The following DENND1C variants were observed in gnomAD, a reference collection of about 807,000 sequenced individuals.
DENND1C encodes the protein DENN domain containing 1C.
DENND1C carries 64 observed loss-of-function variants against 87.9 expected under a neutral mutation model. The observed-to-expected ratio is 0.73, with a 90% confidence interval of 0.60 to 0.90. The LOEUF is 0.90. Ranked by LOEUF, DENND1C falls within the 40% of genes least tolerant of loss-of-function variation. The probability of loss-of-function intolerance (pLI) is 0.00; values close to 1 mark genes in which losing one functional copy is unlikely to be tolerated. For synonymous variants in DENND1C, 384 were observed against 424.4 expected (o/e 0.90, Z 1.17); for missense variants, 980 against 1,037.0 (o/e 0.95, Z 0.76).
chr19:6,470,624 T>TTTTG (rs1555747457), intron 17 of DENND1C, among the ~76,000 whole-genome samples: 1 of 145,524 alleles, frequency 6.9e-6, no homozygotes, highest in African/African-American at 2.5e-5. Flanking sequence ...TTTTTTGTTT[T>TTTTG]TTTTTTTTTT....
intron 22 of DENND1C, 39 bp from the exon 23 acceptor site, chr19:6,468,157 G>A: frequency 1.2e-6 from 2 of 1,610,314 alleles, no homozygotes; most frequent in Non-Finnish European, 1.7e-6. Flanking sequence ...CTTTTAGATG[G>A]CAGAGGGGCT....
In DENND1C at chr19:6,468,420, C is replaced by G; in HGVS notation, c.1605G>C (p.Glu535Asp). ...CTTCTGCCCACGGGCACCCCTCATC[C>G]TCAGGGCTCAGTGGGGGTGTCCTGG... Reference protein sequence around the residue: ...PGAGTPPLSPEDEGCPWAEEA... With the variant: ...PGAGTPPLSPDDEGCPWAEEA... The change falls in exon 22 of 23, where the codon GAG becomes GAC. Residue 535 changes from glutamate to aspartate, a missense_variant. Transcript: ENST00000381480. 6.2e-7 allele frequency: 1 copy of G among 1,613,194 alleles called. No individual in the cohort carries two copies. Among genetic ancestry groups the G allele is most frequent in the Non-Finnish European group, 8.5e-7 (1 of 1,179,614 alleles).
chr19:6,480,272 T>G, intron 1 of DENND1C: 1 of 1,400,306 alleles, frequency 7.1e-7, no homozygotes, highest in Non-Finnish European at 9.3e-7. Context: ...AAAGTGTGAC[T>G]GTGTGTGTGT....
In DENND1C at chr19:6,475,472, G is replaced by A; in HGVS notation, c.927+12C>T. 3 of 1,613,814 alleles carry A rather than the reference G, an allele frequency of 1.9e-6. No individual in the cohort carries two copies. Among genetic ancestry groups the A allele is most frequent in the Non-Finnish European group, 2.5e-6 (3 of 1,179,834 alleles). ...CCTCCCGGGGCAGGAAGGTGGGAGG[G>A]GCGACACTGACCACGTCTGGAGGCA... On this transcript the variant is annotated intron_variant, in intron 13 of 22. Transcript: ENST00000381480.
intron 2 of DENND1C, 39 bp downstream of exon 2, chr19:6,479,948 C>A (rs1241234981): frequency 6.3e-7 from 1 of 1,596,802 alleles, no homozygotes; most frequent in South Asian, 1.1e-5. Context: ...CAGGCCCACC[C>A]TCCCCTCCCA....
intron 10 of DENND1C, 151 bp downstream of exon 10, chr19:6,476,706 C>G: frequency 3.9e-6 from 3 of 771,066 alleles, no homozygotes; most frequent in Non-Finnish European, 6.0e-6. Flanking sequence ...GGCCAGAGTT[C>G]AACTCTCCAA....
At chr19:6,471,353 G>A in intron 16 of DENND1C, 48 bp from the exon 17 acceptor site, 2 of 1,590,826 alleles carry the variant, frequency 1.3e-6, no homozygotes, top group Non-Finnish European at 1.7e-6. Flanking sequence ...GGCTGAGGCT[G>A]GGGGTGCTGG....
At position 6,476,552 on chromosome 19, in the gene DENND1C, C is replaced by T. The variant is rs45515694; in HGVS notation, c.678+305G>A. 2.7e-3 allele frequency: 800 copies of T among 293,728 alleles called. 3 individuals are homozygous for T. The highest frequency in any genetic ancestry group is 4.3e-3 in the Non-Finnish European group (674 of 157,016). The allele number at this position is 293,728 out of a possible 1,614,324, so 18.2% of individuals were successfully genotyped here. On this transcript the variant is annotated intron_variant, in intron 10 of 22. Transcript: ENST00000381480. Reference sequence around the variant, plus strand: ...CTGGGTCCCTGGGTCCCTGGATTCCCACGTGTATAAGTCCCTAGTTCTCAG... The same window carrying T: ...CTGGGTCCCTGGGTCCCTGGATTCCTACGTGTATAAGTCCCTAGTTCTCAG...
rs2092810991 is a variant in DENND1C at position 6,468,751 on chromosome 19, T to G, written c.1515+95A>C. ...AGTGGGTGCCACATATTTGGGGAGT[T>G]GAAGAAGGAGGTGAGATGTCTGGAT... is the stretch of plus-strand genomic sequence containing the variant. On this transcript the variant is annotated intron_variant, in intron 20 of 22. Transcript: ENST00000381480. 10 of 1,378,918 alleles carry G rather than the reference T, an allele frequency of 7.3e-6. No individual in the cohort carries two copies. The Admixed American group carries it at 8.5e-5, about 12-fold the overall frequency. The allele number at this position is 1,378,918 out of a possible 1,614,324, so 85.4% of individuals were successfully genotyped here.
chr19:6,475,866 C>G lies in DENND1C; in HGVS notation c.750G>C (p.Thr250=), dbSNP rs761475069. Residue 250 remains threonine (T), a synonymous_variant, in exon 11 of 23, where the codon ACG becomes ACC. Transcript: ENST00000381480. ...AGTAGTCCAGCAGGTGTGGGGGCAG[C>G]GTGGGGATCAGCACGTGCTCCCAGC... ...PMRWEHVLIP[T]LPPHLLDYCC... is the part of the protein sequence containing the mutation. 1 of 1,552,530 alleles carries G rather than the reference C, an allele frequency of 6.4e-7. No homozygotes were observed. The highest frequency in any genetic ancestry group is 8.7e-7 in the Non-Finnish European group (1 of 1,154,442).
At position 6,468,381 on chromosome 19, in the gene DENND1C, G is replaced by T; in HGVS notation, c.1644C>A (p.Ser548Arg). The change falls in exon 22 of 23, where the codon AGC becomes AGA. Residue 548 changes from serine to arginine, a missense_variant. Physicochemically the swap from Ser to Arg is moderately radical, Grantham distance 110. Coordinates refer to ENST00000381480, the MANE Select transcript of DENND1C (RefSeq NM_024898.4). Reference sequence around the variant, plus strand: ...GTTCTTCTCCAGACCCCAAGAAGCTGCTGTCCAGAGCTTCTTCTGCCCACG... The same window carrying T: ...GTTCTTCTCCAGACCCCAAGAAGCTTCTGTCCAGAGCTTCTTCTGCCCACG... ...GCPWAEEALD[S>R]SFLGSGEELD... 6.2e-7 allele frequency: 1 copy of T among 1,613,936 alleles called. No individual in the cohort carries two copies. Among genetic ancestry groups the T allele is most frequent in the South Asian group, 1.1e-5 (1 of 91,060 alleles).
intron 21 of DENND1C, 59 bp from the exon 22 acceptor site, chr19:6,468,500 G>C (rs878965727): frequency 1.3e-6 from 2 of 1,570,276 alleles, no homozygotes; most frequent in South Asian, 2.3e-5. Context: ...TGGTCAGGCT[G>C]CTCTGGAGTT....
At chr19:6,470,781 C>A (rs1333565088) in intron 17 of DENND1C, among the ~76,000 whole-genome samples, 2 of 149,750 alleles carry the variant, frequency 1.3e-5, no homozygotes, top group African/African-American at 4.9e-5. Flanking sequence ...GCCACCACAC[C>A]CGGCTAATTT....
At position 6,472,978 on chromosome 19, in the gene DENND1C, A is replaced by G; in HGVS notation, c.1069T>C (p.Phe357Leu). The stretch of plus-strand genomic sequence containing the variant: ...TGGGCCAAGAAGACTTCCTCACTGA[A>G]GGTCACTGGCTGGCCCTGGAAGAAG... ...LVCSPGQPVT[F>L]SEEVFLAQKP... The change falls in exon 15 of 23, where the codon TTC becomes CTC. Residue 357 changes from phenylalanine (F) to leucine (L), a missense_variant. Phe to Leu is a conservative substitution (Grantham distance 22). Coordinates refer to ENST00000381480, the MANE Select transcript of DENND1C (RefSeq NM_024898.4). 1 of 1,571,422 alleles carries G rather than the reference A, an allele frequency of 6.4e-7. No homozygotes were observed. Among genetic ancestry groups the G allele is most frequent in the South Asian group, 1.2e-5 (1 of 84,536 alleles).
Position 6,480,271 on chromosome 19 carries a change from C to CTG in DENND1C, c.18-222_18-221dup, listed in dbSNP as rs760220537. On this transcript the variant is annotated intron_variant, in intron 1 of 22. Coordinates refer to ENST00000381480, the MANE Select transcript of DENND1C (RefSeq NM_024898.4). ...TACAGGATGGAGTGAGAAAGTGTGACTGTGTGTGTGTGGCTGTGTATGATT... is the reference window on the plus strand; with the variant it reads ...TACAGGATGGAGTGAGAAAGTGTGACTGTGTGTGTGTGTGGCTGTGTATGATT... 2.7e-5 allele frequency: 39 copies of CTG among 1,431,664 alleles called. No individual in the cohort carries two copies. In the East Asian group the frequency reaches 3.3e-4, roughly 12 times the overall value. The allele number at this position is 1,431,664 out of a possible 1,614,324, so 88.7% of individuals were successfully genotyped here.
chr19:6,470,273 G>C, intron 18 of DENND1C, 22 bp downstream of exon 18: 1 of 1,596,748 alleles, frequency 6.3e-7, no homozygotes, highest in Non-Finnish European at 8.5e-7. Flanking sequence ...CAGCAAGAGT[G>C]GCCTGTCCAG....
At position 6,481,745 on chromosome 19, in the gene DENND1C, G is replaced by T. The variant is rs1222542223; in HGVS notation, c.-50C>A. ...GGGCCCTCTCCCCAGGGGTCCTGGG[G>T]GCCTGTGTATGCTGGGCCCCAAGCC... On this transcript the variant is annotated 5_prime_UTR_variant, in exon 1 of 23. Coordinates refer to ENST00000381480, the MANE Select transcript of DENND1C (RefSeq NM_024898.4). The T allele has an allele frequency of 3.3e-6, 5 of 1,515,904 alleles. No individual in the cohort carries two copies. The African/African-American group carries it at 5.7e-5, about 17-fold the overall frequency. The allele number at this position is 1,515,904 out of a possible 1,614,324, so 93.9% of individuals were successfully genotyped here.
chr19:6,476,922 C>G lies in DENND1C; in HGVS notation c.613G>C (p.Val205Leu). 1 of 1,613,600 alleles carries G rather than the reference C, an allele frequency of 6.2e-7. No homozygotes were observed. Among genetic ancestry groups the G allele is most frequent in the Non-Finnish European group, 8.5e-7 (1 of 1,179,800 alleles). Residue 205 changes from valine (V) to leucine (L), a missense_variant, in exon 10 of 23, where the codon GTG becomes CTG. By Grantham distance (32) the Val-to-Leu change is conservative. Coordinates refer to ENST00000381480, the MANE Select transcript of DENND1C (RefSeq NM_024898.4). ...LVVAVTDENI[V>L]GLFAALLAER... ...GCCAGGAGCGCCGCGAACAGCCCCA[C>G]GATGTTCTCGTCAGTCACGGCCACC... is the stretch of plus-strand genomic sequence containing the variant.
chr19:6,469,290 C>T (rs1422420044), intron 19 of DENND1C, among the ~76,000 whole-genome samples: 1 of 152,174 alleles, frequency 6.6e-6, no homozygotes, highest in Non-Finnish European at 1.5e-5. Context: ...CTCGGCCTCC[C>T]AAAGTGCTGG....
Sources: allele counts gnomAD v4.1 joint callset (sites outside exome capture counted in the v4.1 genomes callset), GRCh38; gene constraint gnomAD v4.1.1; transcripts MANE v1.5; gene names NCBI Gene and HGNC (gene_info 2026-07-23, HGNC 2026-07-21).